The following PRIM2 variants were observed in gnomAD, a reference collection of about 807,000 sequenced individuals.
The protein encoded by PRIM2 is DNA primase large subunit.
A neutral mutation model predicts 67.3 loss-of-function variants in PRIM2; 39 were observed. The ratio of observed to expected loss-of-function variants is 0.58; its 90% CI spans 0.45 to 0.76. PRIM2 has a LOEUF of 0.76. PRIM2 is among the 30% of genes least tolerant of loss of function. PRIM2 has a pLI of 0.00. For synonymous variants in PRIM2, 143 were observed against 198.7 expected, an observed-to-expected ratio of 0.72 and a Z score of 2.36; for missense variants, 398 against 598.7, an observed-to-expected ratio of 0.66 and a Z score of 3.50.
At chr6:57,243,554 C>T in the PRIM2 span, among the ~76,000 whole-genome samples, 1,817 of 152,250 alleles carry the variant, frequency 0.012, 40 homozygotes, top group African/African-American at 0.042. Context: ...CTGCAACCTC[C>T]GCCTGCCGGG....
At position 57,594,062 on chromosome 6, in the gene PRIM2, T is replaced by A. The variant is rs1284064347; in HGVS notation, c.1021-7031T>A. ...AAGTTTTCACAAAAAAGATTATAGTTCATGTTTGTGACTAAAGAAACAAAC... is the reference window on the plus strand; with the variant it reads ...AAGTTTTCACAAAAAAGATTATAGTACATGTTTGTGACTAAAGAAACAAAC... On this transcript the variant is annotated intron_variant, in intron 10 of 13. Coordinates refer to ENST00000615550, the MANE Select transcript of PRIM2 (RefSeq NM_000947.5). Among the ~76,000 whole-genome samples the A allele has an allele frequency of 2.8e-3, 419 of 152,362 alleles. 6 individuals carry two copies. In the East Asian group the frequency reaches 0.055, roughly 20 times the overall value.
chr6:57,254,098 A>G, the PRIM2 span, among the ~76,000 whole-genome samples: 1 of 152,282 alleles, frequency 6.6e-6, no homozygotes, highest in Non-Finnish European at 1.5e-5. Context: ...CTCCATCCTC[A>G]TTTCTGATTC....
chr6:57,461,376 C>T (rs1385880192), intron 7 of PRIM2, among the ~76,000 whole-genome samples: 1 of 152,170 alleles, frequency 6.6e-6, no homozygotes, highest in Non-Finnish European at 1.5e-5. Context: ...TCAGGACTGT[C>T]AAGGGCACTG....
At chr6:57,317,922 A>G (rs994343896) in intron 1 of PRIM2, among the ~76,000 whole-genome samples, 7 of 152,050 alleles carry the variant, frequency 4.6e-5, no homozygotes. Context: ...GAACTTTTGT[A>G]AGGCACTTGT....
At chr6:57,346,770 G>T (rs1396592506) in intron 5 of PRIM2, among the ~76,000 whole-genome samples, 5 of 152,156 alleles carry the variant, frequency 3.3e-5, no homozygotes, top group African/African-American at 1.2e-4. Context: ...TTTTGGATGA[G>T]AATAAGAACC....
chr6:57,225,185 T>C, the PRIM2 span, among the ~76,000 whole-genome samples: 1 of 152,236 alleles, frequency 6.6e-6, no homozygotes, highest in African/African-American at 2.4e-5. Flanking sequence ...GGTTTTCACT[T>C]CCTTTCTGTG....
rs1361634525 is a variant in PRIM2, at chr6:57,605,845, T to G, written c.1148-530T>G. ...TGAAATAGTTTATTTTTTCATCTCA[T>G]TTCCATCCATGATTCTTTTACATTT... is the stretch of plus-strand genomic sequence containing the variant. On this transcript the variant is annotated intron_variant, in intron 11 of 13. Transcript: ENST00000615550. 5.9e-5 allele frequency among the ~76,000 whole-genome samples: 9 copies of G among 152,312 alleles called. No homozygotes were observed. The East Asian group carries it at 1.7e-3, about 29-fold the overall frequency.
chr6:57,319,056 T>C (rs1401372725), intron 2 of PRIM2, among the ~76,000 whole-genome samples: 1 of 152,112 alleles, frequency 6.6e-6, no homozygotes, highest in Non-Finnish European at 1.5e-5. Flanking sequence ...GAAGAATGAG[T>C]AGAAATTTTC....
At chr6:57,500,080 T>C (rs1316846109) in intron 7 of PRIM2, among the ~76,000 whole-genome samples, 2 of 152,236 alleles carry the variant, frequency 1.3e-5, no homozygotes, top group Non-Finnish European at 2.9e-5. Flanking sequence ...CTGATAGAGC[T>C]GTCTACCTAT....
At chr6:57,261,058 G>C in the PRIM2 span, among the ~76,000 whole-genome samples, 1 of 152,192 alleles carries the variant, frequency 6.6e-6, no homozygotes, top group Non-Finnish European at 1.5e-5. Context: ...TGATATGCAA[G>C]CCATGTGTAT....
At chr6:57,350,286 C>A (rs549501311) in intron 5 of PRIM2, among the ~76,000 whole-genome samples, 1 of 152,040 alleles carries the variant, frequency 6.6e-6, no homozygotes, top group African/African-American at 2.4e-5. Flanking sequence ...GTATAGAATC[C>A]TAGAAATCAT....
chr6:57,373,501 T>A (rs965575489), intron 5 of PRIM2, among the ~76,000 whole-genome samples: 3 of 152,182 alleles, frequency 2.0e-5, no homozygotes, highest in Non-Finnish European at 2.9e-5. Flanking sequence ...CAATTGTTTT[T>A]GGTGTTTTCA....
At chr6:57,588,278 A>T (rs1375040671) in intron 10 of PRIM2, among the ~76,000 whole-genome samples, 1 of 152,112 alleles carries the variant, frequency 6.6e-6, no homozygotes, top group Non-Finnish European at 1.5e-5. Context: ...GAGGTCCCAT[A>T]GAGATATGAG....
intron 10 of PRIM2, among the ~76,000 whole-genome samples, chr6:57,576,795 G>T (rs1775970988): frequency 6.9e-6 from 1 of 145,490 alleles, no homozygotes; most frequent in Non-Finnish European, 1.5e-5. Flanking sequence ...AAATTGCAAG[G>T]AAAAAAAAAA....
chr6:57,226,450 A>G, the PRIM2 span, among the ~76,000 whole-genome samples: 3,313 of 152,322 alleles, frequency 0.022, 120 homozygotes, highest in African/African-American at 0.075. Flanking sequence ...CTGGGTTTGA[A>G]TAATTGAAAG....
intron 7 of PRIM2, among the ~76,000 whole-genome samples, chr6:57,436,287 A>G (rs1239897278): frequency 2.0e-5 from 3 of 152,226 alleles, no homozygotes; most frequent in Non-Finnish European, 4.4e-5. Context: ...GAGTAAAGGT[A>G]TGAATAAACC....
chr6:57,351,910 TACTG>T (rs1481259691), intron 5 of PRIM2, among the ~76,000 whole-genome samples: 1 of 152,236 alleles, frequency 6.6e-6, no homozygotes, highest in Non-Finnish European at 1.5e-5. Context: ...CCGTGTAAGT[TACTG>T]ACCCTTTCAA....
chr6:57,569,186 T>C (rs1775812754), intron 10 of PRIM2, among the ~76,000 whole-genome samples: 1 of 152,226 alleles, frequency 6.6e-6, no homozygotes, highest in Admixed American at 6.5e-5. Flanking sequence ...ATAATCTCTA[T>C]TTTTTGTGGG....
At chr6:57,535,662 C>T (rs1222644552) in intron 9 of PRIM2, among the ~76,000 whole-genome samples, 1 of 152,096 alleles carries the variant, frequency 6.6e-6, no homozygotes, top group African/African-American at 2.4e-5. Context: ...GTCAGGAGTT[C>T]GAGACCAGCG....
Sources: allele counts gnomAD v4.1 joint callset (sites outside exome capture counted in the v4.1 genomes callset), GRCh38; gene constraint gnomAD v4.1.1; transcripts MANE v1.5; gene names NCBI Gene and HGNC (gene_info 2026-07-23, HGNC 2026-07-21).